The following TULP3 variants were observed in gnomAD, a reference collection of about 807,000 sequenced individuals.
TULP3 encodes TUB like protein 3.
In TULP3, 38 loss-of-function variants were observed where a neutral mutation model predicts 50.7. The observed-to-expected ratio is 0.75, with a 90% confidence interval of 0.58 to 0.98. The LOEUF (loss-of-function observed/expected upper bound fraction) is 0.98, where lower values mean the gene tolerates loss of function less well. TULP3 is among the 50% of genes least tolerant of loss of function. TULP3 has a pLI of 0.00. For synonymous variants in TULP3, 183 were observed against 196.6 expected, an observed-to-expected ratio of 0.93 and a Z score of 0.58; for missense variants, 550 against 568.0, an observed-to-expected ratio of 0.97 and a Z score of 0.32.
At chr12:2,904,055 T>C (rs2098180828) in intron 1 of TULP3, among the ~76,000 whole-genome samples, 1 of 152,168 alleles carries the variant, frequency 6.6e-6, no homozygotes, top group Admixed American at 6.6e-5. Context: ...GTGCTGGGAT[T>C]ACAAGCGTGA....
rs917820400 is a variant in TULP3, at chr12:2,940,567, G to A, written c.*1123G>A. 3.2e-6 allele frequency: 5 copies of A among 1,551,360 alleles called. No homozygotes were observed. The South Asian group carries it at 3.6e-5, about 11-fold the overall frequency. ...CCTTGAGAATGCAGGAGCTCTGTGA[G>A]CTCCACCGTCAGCACCATTCAGCTG... On this transcript the variant is annotated 3_prime_UTR_variant, in exon 11 of 11. Coordinates refer to ENST00000448120, the MANE Select transcript of TULP3 (RefSeq NM_003324.5).
At chr12:2,916,539 T>G (rs1264799025) in intron 2 of TULP3, among the ~76,000 whole-genome samples, 3 of 152,210 alleles carry the variant, frequency 2.0e-5, no homozygotes, top group African/African-American at 7.2e-5. Context: ...GAAGGCAGTG[T>G]GTTTTAATTG....
intron 4 of TULP3, among the ~76,000 whole-genome samples, chr12:2,922,923 G>T (rs1245360139): frequency 6.8e-6 from 1 of 146,640 alleles, no homozygotes; most frequent in Non-Finnish European, 1.5e-5. Flanking sequence ...ACGCGATCTC[G>T]GCTCACTGCA....
chr12:2,917,732 C>T (rs1020620016), intron 2 of TULP3, among the ~76,000 whole-genome samples: 1 of 151,724 alleles, frequency 6.6e-6, no homozygotes, highest in African/African-American at 2.4e-5. Flanking sequence ...AAAAAATTAG[C>T]CGGGCGCGGT....
chr12:2,897,806 C>T (rs1017562644), intron 1 of TULP3, among the ~76,000 whole-genome samples: 15 of 148,490 alleles, frequency 1.0e-4, no homozygotes, highest in Admixed American at 6.1e-4. Context: ...AGGCCCAGTG[C>T]GGTGGCTCAT....
At chr12:2,917,401 G>A (rs2098189224) in intron 2 of TULP3, among the ~76,000 whole-genome samples, 1 of 151,824 alleles carries the variant, frequency 6.6e-6, no homozygotes. Flanking sequence ...GAACCCGTGA[G>A]GCAGAGGTTG....
chr12:2,916,952 C>T lies in TULP3; in HGVS notation c.94-3811C>T, dbSNP rs554021616. Reference sequence around the variant, plus strand: ...TTGTCTGTAAGTAGATAGAGAGAGGCTTCCCCAGATACCTTGGCAGGAACA... The same window carrying T: ...TTGTCTGTAAGTAGATAGAGAGAGGTTTCCCCAGATACCTTGGCAGGAACA... On this transcript the variant is annotated intron_variant, in intron 2 of 10. Coordinates refer to ENST00000448120, the MANE Select transcript of TULP3 (RefSeq NM_003324.5). 2.1e-4 allele frequency among the ~76,000 whole-genome samples: 32 copies of T among 152,266 alleles called. No individual in the cohort carries two copies. In the South Asian group the frequency reaches 6.6e-3, roughly 32 times the overall value.
chr12:2,897,307 G>A (rs1266376819), intron 1 of TULP3, among the ~76,000 whole-genome samples: 1 of 152,062 alleles, frequency 6.6e-6, no homozygotes, highest in Non-Finnish European at 1.5e-5. Flanking sequence ...ACTACGCCCA[G>A]CCTAAAGATT....
chr12:2,935,021 C>T (rs768637927), intron 8 of TULP3, among the ~76,000 whole-genome samples: 7 of 151,948 alleles, frequency 4.6e-5, no homozygotes, highest in African/African-American at 7.3e-5. Context: ...ATTTCACACC[C>T]GGGAAAGGCT....
chr12:2,936,661 A>G (rs760803326), intron 8 of TULP3, among the ~76,000 whole-genome samples: 4 of 151,618 alleles, frequency 2.6e-5, no homozygotes, highest in Non-Finnish European at 4.4e-5. Context: ...AGGCAGGAAA[A>G]TTGCTTGAAC....
intron 2 of TULP3, among the ~76,000 whole-genome samples, chr12:2,913,012 G>A (rs181383908): frequency 2.0e-5 from 3 of 147,038 alleles, no homozygotes; most frequent in Admixed American, 6.9e-5. Flanking sequence ...TCCCTCTGTC[G>A]CCAGGCTGGA....
rs1455714011 is a variant in TULP3, at chr12:2,933,431, C to G, written c.710C>G (p.Ala237Gly). 1.9e-6 allele frequency: 3 copies of G among 1,612,080 alleles called. No individual in the cohort carries two copies. Among genetic ancestry groups the G allele is most frequent in the South Asian group, 1.1e-5 (1 of 91,024 alleles). Residue 237 changes from alanine (A) to glycine (G), a missense_variant, in exon 7 of 11, where the codon GCA becomes GGA. By Grantham distance (60) the Ala-to-Gly change is moderately conservative. Transcript: ENST00000448120. ...TTCTTTTCCCAGATATTTCTTCTTG[C>G]AGCTAGAAAGCGGAAAAAGAGCAAA... ...KEENQKIFLL[A>G]ARKRKKSKTA...
chr12:2,930,408 G>C, intron 5 of TULP3, 63 bp downstream of exon 5: 1 of 1,050,416 alleles, frequency 9.5e-7, no homozygotes, highest in Non-Finnish European at 1.4e-6. Flanking sequence ...CATATCTTCA[G>C]TATTTATTTA....
In TULP3 at chr12:2,940,901, C is replaced by G; in HGVS notation, c.*1457C>G. 1 of 609,186 alleles carries G rather than the reference C, an allele frequency of 1.6e-6. No homozygotes were observed. Among genetic ancestry groups the G allele is most frequent in the East Asian group, 2.9e-5 (1 of 34,792 alleles). The allele number at this position is 609,186 out of a possible 1,614,324, so 37.7% of individuals were successfully genotyped here. On this transcript the variant is annotated 3_prime_UTR_variant, in exon 11 of 11. Transcript: ENST00000448120. The stretch of plus-strand genomic sequence containing the variant: ...CACCACCACCACCCCCCACCCCATC[C>G]TGAGGCACTGCCTGGCAGATAACCC...
intron 1 of TULP3, among the ~76,000 whole-genome samples, chr12:2,897,812 C>G (rs963013669): frequency 2.0e-5 from 3 of 149,302 alleles, no homozygotes; most frequent in Non-Finnish European, 1.5e-5. Flanking sequence ...AGTGCGGTGG[C>G]TCATGCCTGT....
intron 1 of TULP3, 36 bp downstream of exon 1, chr12:2,891,024 AG>A: frequency 1.3e-6 from 2 of 1,536,010 alleles, no homozygotes; most frequent in Non-Finnish European, 1.8e-6. Flanking sequence ...CTCCTGAGCG[AG>A]GCGGAGGGGC....
At chr12:2,915,101 G>A (rs1591529625) in intron 2 of TULP3, among the ~76,000 whole-genome samples, 2 of 152,116 alleles carry the variant, frequency 1.3e-5, no homozygotes, top group East Asian at 3.9e-4. Context: ...CGATTCTTAT[G>A]CCTCAGCCTC....
chr12:2,940,157 T>C lies in TULP3; in HGVS notation c.*713T>C. On this transcript the variant is annotated 3_prime_UTR_variant, in exon 11 of 11. Transcript: ENST00000448120. ...ACTCTAGAGGTGACTCAGTCAGGACTGACAGTAATGTGATAATTGCCTTCA... is the reference window on the plus strand; with the variant it reads ...ACTCTAGAGGTGACTCAGTCAGGACCGACAGTAATGTGATAATTGCCTTCA... 1 of 1,299,928 alleles carries C rather than the reference T, an allele frequency of 7.7e-7. No homozygotes were observed. The highest frequency in any genetic ancestry group is 1.0e-6 in the Non-Finnish European group (1 of 996,312). 80.5% of individuals were successfully genotyped at this position (1,299,928 alleles called of 1,614,324 possible). A position where few individuals can be genotyped will look rare whatever the true frequency, so the allele number is the denominator to read the frequency against.
At chr12:2,898,756 A>G (rs1022003858) in intron 1 of TULP3, among the ~76,000 whole-genome samples, 4 of 151,992 alleles carry the variant, frequency 2.6e-5, no homozygotes, top group African/African-American at 4.8e-5. Context: ...CGTAGCCCAC[A>G]ACAGCCTTGA....
Sources: allele counts gnomAD v4.1 joint callset (sites outside exome capture counted in the v4.1 genomes callset), GRCh38; gene constraint gnomAD v4.1.1; transcripts MANE v1.5; gene names NCBI Gene and HGNC (gene_info 2026-07-23, HGNC 2026-07-21).